CD22: variants seen among roughly 807,000 people sequenced by gnomAD.
CD22 encodes CD22 molecule.
CD22 carries 51 observed loss-of-function variants against 94.7 expected under a neutral mutation model. That is an observed-to-expected ratio of 0.54 (90% CI 0.43 to 0.68). CD22 has a LOEUF of 0.68. CD22 is among the 30% of genes least tolerant of loss of function. The pLI is 0.00. For synonymous variants in CD22, 424 were observed against 422.5 expected (o/e 1.00, Z -0.04); for missense variants, 931 against 1,060.4 (o/e 0.88, Z 1.69).
chr19:35,345,121 A>T lies in CD22; in HGVS notation c.2203A>T (p.Lys735Ter). Residue 735 changes from lysine (K) to a stop codon, truncating the protein, a stop_gained, in exon 11 of 14, where the codon AAA (lysine) becomes TAA (stop). Coordinates refer to ENST00000085219, the MANE Select transcript of CD22 (RefSeq NM_001771.4). LOFTEE classifies it high-confidence loss of function. ...SSGQSFFVRNKKVRRAPLSEG... is the reference protein window; with the variant it reads ...SSGQSFFVRN ...CGGCCAGAGCTTCTTTGTGAGGAATAAAAAGGTAGGATGGGGCTGGGCACG... is the reference window on the plus strand; with the variant it reads ...CGGCCAGAGCTTCTTTGTGAGGAATTAAAAGGTAGGATGGGGCTGGGCACG... 6.2e-7 allele frequency: 1 copy of T among 1,613,734 alleles called. No individual in the cohort carries two copies.
rs2066914229 is a variant in CD22 at position 35,346,705 on chromosome 19, T to A, written c.*8T>A. 2 of 1,602,212 alleles carry A rather than the reference T, an allele frequency of 1.2e-6. No individual in the cohort carries two copies. Among genetic ancestry groups the A allele is most frequent in the Non-Finnish European group, 1.7e-6 (2 of 1,173,036 alleles). ...GTGATCCTCAAACATTGACACTGGA[T>A]GGGCTGCAGCAGAGGCACTGGGGGC... is the stretch of plus-strand genomic sequence containing the variant. On this transcript the variant is annotated 3_prime_UTR_variant, in exon 14 of 14. Transcript: ENST00000085219.
At chr19:35,334,867 A>G (rs1350314452) in intron 3 of CD22, among the ~76,000 whole-genome samples, 3 of 151,944 alleles carry the variant, frequency 2.0e-5, no homozygotes, top group Admixed American at 6.6e-5. Flanking sequence ...TCACAAGGTC[A>G]GGAGATCGAG....
chr19:35,344,710 G>A (rs372546767), intron 9 of CD22, 119 bp from the exon 10 acceptor site: 17 of 726,422 alleles, frequency 2.3e-5, no homozygotes, highest in East Asian at 4.9e-5. Context: ...ACCCCTGCAC[G>A]CATGCAGGGG....
chr19:35,336,453 C>G lies in CD22; in HGVS notation c.718+112C>G. ...GGGAAGCCTGCACAGACGGCGGCATCCTCCAGCCCTGGTCACGCCGCCTTG... is the reference window on the plus strand; with the variant it reads ...GGGAAGCCTGCACAGACGGCGGCATGCTCCAGCCCTGGTCACGCCGCCTTG... On this transcript the variant is annotated intron_variant, in intron 4 of 13. Coordinates refer to ENST00000085219, the MANE Select transcript of CD22 (RefSeq NM_001771.4). The G allele has an allele frequency of 6.1e-6, 6 of 986,222 alleles. No homozygotes were observed. In the South Asian group the frequency reaches 9.9e-5, roughly 16 times the overall value. The allele number at this position is 986,222 out of a possible 1,614,324, so 61.1% of individuals were successfully genotyped here.
Position 35,341,074 on chromosome 19 carries a change from C to T in CD22, c.1443C>T (p.Thr481=). ...AAAACGTTGGCTGGGACAACACAAC[C>T]ATCGCCTGCGCAGCTTGTAATAGTT... The part of the protein sequence containing the change: ...KIQNVGWDNT[T]IACAACNSWC... Residue 481 remains threonine (T), a synonymous_variant, in exon 7 of 14, where the codon ACC becomes ACT. Transcript: ENST00000085219. The surrounding 1 kb of genome is among the most constrained non-coding windows in gnomAD (Gnocchi z 4.0). 1.2e-6 allele frequency: 2 copies of T among 1,614,198 alleles called. No individual in the cohort carries two copies. Among genetic ancestry groups the T allele is most frequent in the South Asian group, 1.1e-5 (1 of 91,084 alleles).
rs150354605 is a variant in CD22 at position 35,346,232 on chromosome 19, A to G, written c.2409A>G (p.Gln803=). 3.7e-4 allele frequency: 603 copies of G among 1,613,530 alleles called. No individual in the cohort carries two copies. The highest frequency in any genetic ancestry group is 4.9e-4 in the Non-Finnish European group (581 of 1,179,458). The change falls in exon 13 of 14, where the codon CAA becomes CAG. Residue 803 remains glutamine, a synonymous_variant. Coordinates refer to ENST00000085219, the MANE Select transcript of CD22 (RefSeq NM_001771.4). Reference sequence around the variant, plus strand: ...CTTATTCAGCATTGCACAAGCGCCAAGTGGTAAGGAGGGTCTCCCCAGGTC... The same window carrying G: ...CTTATTCAGCATTGCACAAGCGCCAGGTGGTAAGGAGGGTCTCCCCAGGTC... ...TVTYSALHKR[Q]VGDYENVIPD... is the part of the protein sequence containing the mutation.
chr19:35,345,608 A>G lies in CD22; in HGVS notation c.2215A>G (p.Arg739Gly), dbSNP rs142538328. The G allele has an allele frequency of 3.1e-4, 494 of 1,600,386 alleles. 2 individuals carry two copies. Among genetic ancestry groups the G allele is most frequent in the Non-Finnish European group, 4.0e-4 (463 of 1,167,686 alleles). ...ATCCTCGTCTCCCTCCCAGGTTAGA[A>G]GGGCCCCCCTCTCTGAAGGCCCCCA... ...SFFVRNKKVR[R>G]APLSEGPHSL... Residue 739 changes from arginine (R) to glycine (G), a missense_variant, in exon 12 of 14, where the codon AGG (arginine) becomes GGG (glycine). Coordinates refer to ENST00000085219, the MANE Select transcript of CD22 (RefSeq NM_001771.4).
At chr19:35,335,241 A>C (rs1321974252) in intron 3 of CD22, among the ~76,000 whole-genome samples, 1 of 152,088 alleles carries the variant, frequency 6.6e-6, no homozygotes, top group Admixed American at 6.6e-5. Context: ...TCGGGTGAGC[A>C]AAAGTGATTC....
At chr19:35,346,426 GC>G in intron 13 of CD22, 139 bp from the exon 14 acceptor site, 1 of 1,256,196 alleles carries the variant, frequency 8.0e-7, no homozygotes, top group Non-Finnish European at 1.1e-6. Context: ...CTGGATGCCG[GC>G]CACAGCCAGT....
intron 6 of CD22, among the ~76,000 whole-genome samples, chr19:35,340,144 C>T (rs1410519821): frequency 6.6e-6 from 1 of 152,162 alleles, no homozygotes; most frequent in East Asian, 1.9e-4. Flanking sequence ...CAGCTGGATG[C>T]GTGACCACAG....
At chr19:35,346,542 C>A (rs1029472514) in intron 13 of CD22, 24 bp from the exon 14 acceptor site, 44 of 1,587,170 alleles carry the variant, frequency 2.8e-5, no homozygotes, top group Non-Finnish European at 3.5e-5. Flanking sequence ...TGGGGCCAGG[C>A]TAACCACCAT....
At chr19:35,331,837 A>T in intron 1 of CD22, 182 bp from the exon 2 acceptor site, 1 of 1,225,122 alleles carries the variant, frequency 8.2e-7, no homozygotes, top group South Asian at 1.5e-5. Context: ...ACAGAGCAAG[A>T]CTCTGTCTCA....
intron 6 of CD22, 40 bp downstream of exon 6, chr19:35,338,471 T>C (rs749179704): frequency 2.5e-6 from 4 of 1,587,128 alleles, no homozygotes; most frequent in South Asian, 1.2e-5. Context: ...GGAGAGAAGA[T>C]GGACACAGGG....
At chr19:35,346,486 T>G in intron 13 of CD22, 80 bp from the exon 14 acceptor site, 1 of 1,538,054 alleles carries the variant, frequency 6.5e-7, no homozygotes, top group Non-Finnish European at 8.8e-7. Flanking sequence ...CCGGGTGGAA[T>G]GAAGGAGAGA....
Position 35,339,405 on chromosome 19 carries a change from A to T in CD22, c.1249+974A>T, listed in dbSNP as rs113292702. On this transcript the variant is annotated intron_variant, in intron 6 of 13. Transcript: ENST00000085219. ...GGTAAAACCCCATCTCTACAAAAAA[A>T]AATTAGCCTGGCATGGTCATGCATG... Among the ~76,000 whole-genome samples, 774 of 151,020 alleles carry T rather than the reference A, an allele frequency of 5.1e-3. 6 individuals are homozygous for T. The highest frequency in any genetic ancestry group is 0.018 in the African/African-American group (746 of 41,046).
chr19:35,332,581 A>G lies in CD22; in HGVS notation c.69A>G (p.Lys23=). Residue 23 remains lysine (K), a synonymous_variant, in exon 3 of 14, where the codon AAA becomes AAG. Transcript: ENST00000085219. ...ACTTGGCTTTCTCTGACTCAAGTAA[A>G]TGGGTTTTTGAGCACCCTGAAACCC... The part of the protein sequence containing the change: ...LEYLAFSDSS[K]WVFEHPETLY... The G allele has an allele frequency of 1.2e-6, 2 of 1,613,760 alleles. No individual in the cohort carries two copies. Among genetic ancestry groups the G allele is most frequent in the South Asian group, 2.2e-5 (2 of 91,032 alleles).
At chr19:35,344,148 A>G (rs2066862766) in intron 9 of CD22, among the ~76,000 whole-genome samples, 1 of 150,478 alleles carries the variant, frequency 6.6e-6, no homozygotes, top group South Asian at 2.1e-4. Flanking sequence ...GTGAGCCAAG[A>G]TCTCACCACT....
chr19:35,344,689 T>A, intron 9 of CD22, 140 bp from the exon 10 acceptor site: 1 of 672,598 alleles, frequency 1.5e-6, no homozygotes, highest in African/African-American at 1.8e-5. Context: ...GTTGTCACCC[T>A]CTTCCTCTGC....
chr19:35,346,089 A>G (rs981578333), intron 12 of CD22, 62 bp from the exon 13 acceptor site: 19 of 1,289,208 alleles, frequency 1.5e-5, no homozygotes, highest in Admixed American at 5.1e-5. Flanking sequence ...CTGGGTGTTG[A>G]GAGGGAGGAG....
Sources: allele counts gnomAD v4.1 joint callset (sites outside exome capture counted in the v4.1 genomes callset), GRCh38; gene constraint gnomAD v4.1.1; non-coding constraint Gnocchi (gnomAD v3.1); transcripts MANE v1.5; gene names NCBI Gene and HGNC (gene_info 2026-07-23, HGNC 2026-07-21).